Variants in MFAP3 observed in about 807,000 individuals in gnomAD.
MFAP3 encodes microfibril associated protein 3.
In MFAP3, 8 loss-of-function variants were observed where a neutral mutation model predicts 20.5. The observed-to-expected ratio is 0.39, with a 90% CI of 0.23 to 0.70. MFAP3 has a LOEUF of 0.70. MFAP3 is among the 30% of genes least tolerant of loss of function. The pLI is 0.44. For missense variants in MFAP3, 398 were observed against 444.6 expected (o/e 0.90, Z 0.94); for synonymous variants, 140 against 154.0 (o/e 0.91, Z 0.67).
intron 1 of MFAP3, among the ~76,000 whole-genome samples, chr5:154,039,761 T>G (rs1343392563): frequency 1.3e-5 from 2 of 152,150 alleles, no homozygotes; most frequent in Non-Finnish European, 2.9e-5. Context: ...AAAATCAATC[T>G]TATTGTACAG....
chr5:154,049,350 G>A (rs545741595), intron 1 of MFAP3, among the ~76,000 whole-genome samples: 73 of 152,278 alleles, frequency 4.8e-4, no homozygotes, highest in African/African-American at 1.6e-3. Flanking sequence ...TAGTGGCAAA[G>A]CTAGGACCAA....
At chr5:154,052,253 A>G (rs1242716736) in intron 2 of MFAP3, among the ~76,000 whole-genome samples, 1 of 151,906 alleles carries the variant, frequency 6.6e-6, no homozygotes, top group African/African-American at 2.4e-5. Flanking sequence ...TGTGAGATGT[A>G]TTTTTTGGCC....
intron 2 of MFAP3, among the ~76,000 whole-genome samples, chr5:154,052,109 C>T (rs753898026): frequency 6.6e-6 from 1 of 152,120 alleles, no homozygotes; most frequent in Non-Finnish European, 1.5e-5. Context: ...TTGTATACTT[C>T]TATATACGTG....
In MFAP3 at chr5:154,038,971, T is replaced by C. The variant is rs189313584; in HGVS notation, c.-207T>C. On this transcript the variant is annotated 5_prime_UTR_variant, in exon 1 of 3. Transcript: ENST00000522782. ...GGTGTGTCCGAGAAAACTTCCGAGT[T>C]AAGCCGCCGCTGAGGCCGGAAGGAG... 1.3e-5 allele frequency: 2 copies of C among 152,422 alleles called. No individual in the cohort carries two copies. Among genetic ancestry groups the C allele is most frequent in the South Asian group, 2.1e-4 (1 of 4,834 alleles). The allele number at this position is 152,422 out of a possible 1,614,324, so 9.4% of individuals were successfully genotyped here.
intron 1 of MFAP3, among the ~76,000 whole-genome samples, chr5:154,042,586 G>T (rs888551593): frequency 1.3e-5 from 2 of 152,104 alleles, no homozygotes; most frequent in African/African-American, 4.8e-5. Flanking sequence ...TTGAGTCTAG[G>T]CAGAACAACT....
intron 1 of MFAP3, among the ~76,000 whole-genome samples, chr5:154,048,200 T>A (rs1371497404): frequency 6.6e-6 from 1 of 152,194 alleles, no homozygotes; most frequent in Non-Finnish European, 1.5e-5. Context: ...CTTTGTTTCC[T>A]TTAGTGTCCT....
chr5:154,044,666 G>A (rs1414052942), intron 1 of MFAP3, among the ~76,000 whole-genome samples: 1 of 152,158 alleles, frequency 6.6e-6, no homozygotes, highest in African/African-American at 2.4e-5. Context: ...TGTCTGGTAG[G>A]TAGAGGCAAA....
chr5:154,049,127 T>A (rs1773124590), intron 1 of MFAP3, among the ~76,000 whole-genome samples: 1 of 152,202 alleles, frequency 6.6e-6, no homozygotes, highest in Non-Finnish European at 1.5e-5. Context: ...TAACAACAGA[T>A]GGTAATGGTG....
rs1181926339 is a variant in MFAP3 at position 154,050,648 on chromosome 5, A to G, written c.295+631A>G. Among the ~76,000 whole-genome samples, 13 of 93,182 alleles carry G rather than the reference A, an allele frequency of 1.4e-4. No individual in the cohort carries two copies. The Admixed American group carries it at 1.7e-3, about 12-fold the overall frequency. 61.1% of individuals were successfully genotyped at this position (93,182 alleles called of 152,430 possible). A position where few individuals can be genotyped will look rare whatever the true frequency, so the allele number is the denominator to read the frequency against. ...TTTTTTTTTTGTATTCTATACCTTA[A>G]TTTACTGGAAATGAGAAATTTTTTT... On this transcript the variant is annotated intron_variant, in intron 2 of 2. Coordinates refer to ENST00000522782, the MANE Select transcript of MFAP3 (RefSeq NM_005927.5).
Position 154,052,318 on chromosome 5 carries a change from C to A in MFAP3, c.296-602C>A, listed in dbSNP as rs908326676. 5.9e-5 allele frequency among the ~76,000 whole-genome samples: 9 copies of A among 151,462 alleles called. No homozygotes were observed. The East Asian group carries it at 9.7e-4, about 16-fold the overall frequency. Reference sequence around the variant, plus strand: ...AACAAAAGTTTCTTAACAACAACAACAAAAAATTGATATGTGCAAGGCATA... The same window carrying A: ...AACAAAAGTTTCTTAACAACAACAAAAAAAAATTGATATGTGCAAGGCATA... On this transcript the variant is annotated intron_variant, in intron 2 of 2. Transcript: ENST00000522782.
intron 2 of MFAP3, 90 bp from the exon 3 acceptor site, chr5:154,052,830 T>C (rs1297367693): frequency 1.8e-6 from 2 of 1,140,204 alleles, no homozygotes; most frequent in Non-Finnish European, 2.5e-6. Context: ...TTAAAGTACT[T>C]TGATAAAGAG....
chr5:154,052,666 G>A (rs1307676042), intron 2 of MFAP3, among the ~76,000 whole-genome samples: 1 of 152,138 alleles, frequency 6.6e-6, no homozygotes, highest in Non-Finnish European at 1.5e-5. Flanking sequence ...AAGTCTAGCA[G>A]TGAAAAGGAA....
At chr5:154,040,320 A>G (rs1433601539) in intron 1 of MFAP3, among the ~76,000 whole-genome samples, 2 of 152,244 alleles carry the variant, frequency 1.3e-5, no homozygotes, top group Non-Finnish European at 2.9e-5. Flanking sequence ...TGTAAAGGAT[A>G]TTTTCCAAAA....
chr5:154,048,932 T>G (rs1773120485), intron 1 of MFAP3, among the ~76,000 whole-genome samples: 1 of 152,304 alleles, frequency 6.6e-6, no homozygotes, highest in South Asian at 2.1e-4. Context: ...TGAAGGAGGT[T>G]CCATAGCTTT....
In MFAP3 at chr5:154,047,395, T is replaced by G. The variant is rs553072285; in HGVS notation, c.-166-2162T>G. Among the ~76,000 whole-genome samples the G allele has an allele frequency of 1.5e-4, 23 of 152,328 alleles. No homozygotes were observed. The South Asian group carries it at 4.8e-3, about 32-fold the overall frequency. On this transcript the variant is annotated intron_variant, in intron 1 of 2. Transcript: ENST00000522782. ...GGTGCTCAATAGATACTGTTCAGTA[T>G]ATGAAAATGTATCCCTCCGATCTCA...
intron 1 of MFAP3, among the ~76,000 whole-genome samples, chr5:154,039,833 A>G (rs1772872923): frequency 6.6e-6 from 1 of 152,246 alleles, no homozygotes; most frequent in South Asian, 2.1e-4. Context: ...CATGTTTTCC[A>G]ACTCCATTTA....
At position 154,057,434 on chromosome 5, in the gene MFAP3, A is replaced by G. The variant is rs780750501; in HGVS notation, c.*3721A>G. Among the ~76,000 whole-genome samples, 7 of 152,236 alleles carry G rather than the reference A, an allele frequency of 4.6e-5. No individual in the cohort carries two copies. Among genetic ancestry groups the G allele is most frequent in the Non-Finnish European group, 8.8e-5 (6 of 68,038 alleles). ...TAATTTATTAAACGTTCAATGGAGT[A>G]TATAGTCTATTTGAAATTTTCTATA... On this transcript the variant is annotated 3_prime_UTR_variant, in exon 3 of 3. Transcript: ENST00000522782.
chr5:154,051,803 A>G (rs1773197668), intron 2 of MFAP3: 1 of 152,228 alleles, frequency 6.6e-6, no homozygotes, highest in Admixed American at 6.5e-5. Flanking sequence ...TTTATGTGCC[A>G]CTAAAATAAT....
chr5:154,040,710 A>T (rs539416083), intron 1 of MFAP3, among the ~76,000 whole-genome samples: 1 of 152,230 alleles, frequency 6.6e-6, no homozygotes, highest in Non-Finnish European at 1.5e-5. Context: ...CAATTCAATA[A>T]GTCTGTGGGG....
Sources: allele counts gnomAD v4.1 joint callset (sites outside exome capture counted in the v4.1 genomes callset), GRCh38; gene constraint gnomAD v4.1.1; transcripts MANE v1.5; gene names NCBI Gene and HGNC (gene_info 2026-07-23, HGNC 2026-07-21).